The following NRXN3 variants were observed in gnomAD, a reference collection of about 807,000 sequenced individuals.
NRXN3 encodes the protein neurexin 3, also known as neurexin III.
In NRXN3, 32 loss-of-function variants were observed where a neutral mutation model predicts 137.6. That is an observed-to-expected ratio of 0.23 (90% CI 0.18 to 0.31). NRXN3 has a LOEUF of 0.31. Among genes scored for constraint, NRXN3 ranks in the 10% least tolerant of loss-of-function variants. NRXN3 has a pLI of 1.00. For missense variants in NRXN3, 1,574 were observed against 2,062.5 expected (o/e 0.76, Z 4.59); for synonymous variants, 798 against 784.5 (o/e 1.02, Z -0.29).
chr14:78,900,255 C>G (rs1434298729), intron 10 of NRXN3, among the ~76,000 whole-genome samples: 1 of 151,752 alleles, frequency 6.6e-6, no homozygotes, highest in Non-Finnish European at 1.5e-5. Flanking sequence ...AAAGAGGGCC[C>G]TTAGCTTGTG....
chr14:78,199,614 C>G lies in NRXN3; in HGVS notation c.-704+28940C>G, dbSNP rs532438951. ...CAGGTGAACAGGCATAATGTGGTTC[C>G]TGGCTTCTCTGACCCCATGCCAAGC... On this transcript the variant is annotated intron_variant, in intron 1 of 20. Coordinates refer to ENST00000335750, the MANE Select transcript of NRXN3 (RefSeq NM_001330195.2). Among the ~76,000 whole-genome samples, 5 of 152,296 alleles carry G rather than the reference C, an allele frequency of 3.3e-5. No homozygotes were observed. The South Asian group carries it at 1.0e-3, about 32-fold the overall frequency.
At position 79,761,343 on chromosome 14, in the gene NRXN3, A is replaced by G. The variant is rs113328350; in HGVS notation, c.4015-43769A>G. ...TGTGAAGAATGTTGTTCCCTCAAATATGACACAAATTGTTTGGTCAATAGA... is the reference window on the plus strand; with the variant it reads ...TGTGAAGAATGTTGTTCCCTCAAATGTGACACAAATTGTTTGGTCAATAGA... On this transcript the variant is annotated intron_variant, in intron 19 of 20. Coordinates refer to ENST00000335750, the MANE Select transcript of NRXN3 (RefSeq NM_001330195.2). Among the ~76,000 whole-genome samples, 16 of 151,700 alleles carry G rather than the reference A, an allele frequency of 1.1e-4. 1 individual carries two copies. Among genetic ancestry groups the G allele is most frequent in the Admixed American group, 2.6e-4 (4 of 15,272 alleles).
At chr14:78,401,588 G>A (rs1286860973) in intron 4 of NRXN3, among the ~76,000 whole-genome samples, 1 of 152,108 alleles carries the variant, frequency 6.6e-6, no homozygotes, top group Non-Finnish European at 1.5e-5. Flanking sequence ...GGTCCCAAAA[G>A]GCCACTTTTT....
intron 1 of NRXN3, among the ~76,000 whole-genome samples, chr14:78,201,584 G>A (rs1208097544): frequency 6.6e-6 from 1 of 152,226 alleles, no homozygotes; most frequent in East Asian, 1.9e-4. Flanking sequence ...CCTGCATCGA[G>A]GACTGGTTGT....
intron 20 of NRXN3, among the ~76,000 whole-genome samples, chr14:79,816,648 G>A (rs1388094900): frequency 1.3e-5 from 2 of 152,148 alleles, no homozygotes; most frequent in African/African-American, 4.8e-5. Flanking sequence ...CATTTTCTGA[G>A]CACATAGAAT....
intron 16 of NRXN3, among the ~76,000 whole-genome samples, chr14:79,510,981 C>A (rs1334236656): frequency 6.6e-6 from 1 of 152,124 alleles, no homozygotes; most frequent in Non-Finnish European, 1.5e-5. Flanking sequence ...CTGATGCACT[C>A]AATCTTGAGT....
chr14:79,706,382 C>T (rs1448717690), intron 19 of NRXN3, among the ~76,000 whole-genome samples: 1 of 148,564 alleles, frequency 6.7e-6, no homozygotes, highest in Admixed American at 6.7e-5. Flanking sequence ...ATAAAAATTA[C>T]TTGGTAAGGA....
intron 15 of NRXN3, among the ~76,000 whole-genome samples, chr14:79,170,323 T>A (rs1035896179): frequency 1.3e-5 from 2 of 152,118 alleles, no homozygotes; most frequent in Non-Finnish European, 2.9e-5. Context: ...AAAAAGTAGT[T>A]TTTAATATGA....
At chr14:79,577,203 C>T (rs563512830) in intron 16 of NRXN3, among the ~76,000 whole-genome samples, 1 of 152,234 alleles carries the variant, frequency 6.6e-6, no homozygotes, top group Admixed American at 6.5e-5. Flanking sequence ...ACTGTGAGTC[C>T]ATTAAACCTG....
intron 16 of NRXN3, among the ~76,000 whole-genome samples, chr14:79,519,072 G>C (rs1947530605): frequency 6.6e-6 from 1 of 152,080 alleles, no homozygotes; most frequent in African/African-American, 2.4e-5. Context: ...TTTTCTAAGG[G>C]TGGCTCAGGT....
At chr14:78,448,241 A>AAAGAC (rs149082432) in intron 4 of NRXN3, among the ~76,000 whole-genome samples, 3,910 of 152,312 alleles carry the variant, frequency 0.026, 177 homozygotes, top group Admixed American at 0.13. Flanking sequence ...TAAGACCCTG[A>AAAGAC]AAGACGGCTA....
At chr14:79,339,785 GGT>G in intron 15 of NRXN3, among the ~76,000 whole-genome samples, 1 of 151,964 alleles carries the variant, frequency 6.6e-6, no homozygotes, top group Non-Finnish European at 1.5e-5. Flanking sequence ...TGATTTTGGG[GGT>G]GTTGTCATTT....
At chr14:78,499,031 A>G (rs187777517) in intron 4 of NRXN3, among the ~76,000 whole-genome samples, 1 of 152,248 alleles carries the variant, frequency 6.6e-6, no homozygotes, top group East Asian at 1.9e-4. Context: ...ATTACAGGCT[A>G]CCTCATTGGA....
chr14:78,807,742 A>G (rs796389736), intron 9 of NRXN3, among the ~76,000 whole-genome samples: 8,608 of 132,100 alleles, frequency 0.065, 294 homozygotes, highest in African/African-American at 0.15. Context: ...CTCAAAAAAA[A>G]AAAAAAAAAA....
At chr14:78,706,409 C>T (rs1567106854) in intron 6 of NRXN3, among the ~76,000 whole-genome samples, 2 of 152,172 alleles carry the variant, frequency 1.3e-5, no homozygotes, top group Non-Finnish European at 2.9e-5. Flanking sequence ...ATGAAAAATT[C>T]AGCTTTTGAA....
chr14:78,505,598 T>C (rs1302397048), intron 4 of NRXN3, among the ~76,000 whole-genome samples: 1 of 152,190 alleles, frequency 6.6e-6, no homozygotes, highest in East Asian at 1.9e-4. Context: ...TTAGCCTGAT[T>C]TAATCATTTC....
At chr14:79,117,517 A>G (rs996539801) in intron 15 of NRXN3, among the ~76,000 whole-genome samples, 8 of 152,176 alleles carry the variant, frequency 5.3e-5, no homozygotes, top group African/African-American at 1.7e-4. Context: ...AAGGATTTTT[A>G]TTATACTTCC....
chr14:78,204,137 G>A (rs1165734464), intron 1 of NRXN3, among the ~76,000 whole-genome samples: 1 of 151,838 alleles, frequency 6.6e-6, no homozygotes, highest in African/African-American at 2.4e-5. Flanking sequence ...TGTTCCTCCC[G>A]CTAAAGTTTA....
At position 78,714,904 on chromosome 14, in the gene NRXN3, C is replaced by T. The variant is rs772022333; in HGVS notation, c.1809C>T (p.Leu603=). Residue 603 remains leucine, a synonymous_variant, in exon 8 of 21, where the codon CTC becomes CTT. Transcript: ENST00000335750. ...ILPTELWTAM[L]NYGYVGCIRD... is the part of the protein sequence containing the mutation. The stretch of plus-strand genomic sequence containing the variant: ...CCACCGAGCTGTGGACTGCCATGCT[C>T]AACTATGGCTACGTGGGCTGCATCC... The T allele has an allele frequency of 1.9e-6, 3 of 1,614,140 alleles. No individual in the cohort carries two copies. Among genetic ancestry groups the T allele is most frequent in the Non-Finnish European group, 2.5e-6 (3 of 1,180,014 alleles).
Sources: allele counts gnomAD v4.1 joint callset (sites outside exome capture counted in the v4.1 genomes callset), GRCh38; gene constraint gnomAD v4.1.1; transcripts MANE v1.5; gene names NCBI Gene and HGNC (gene_info 2026-07-23, HGNC 2026-07-21).